SOX30: variants seen among roughly 807,000 people sequenced by gnomAD.
The protein encoded by SOX30 is SRY-box transcription factor 30, also known as transcription factor SOX-30.
In SOX30, 17 loss-of-function variants were observed where a neutral mutation model predicts 58.6. That is an observed-to-expected ratio of 0.29 (90% CI 0.20 to 0.44). SOX30 has a LOEUF of 0.44. SOX30 is among the 20% of genes least tolerant of loss of function. The probability of loss-of-function intolerance (pLI) is 1.00; values close to 1 mark genes in which losing one functional copy is unlikely to be tolerated. For synonymous variants in SOX30, 421 were observed against 400.2 expected, an observed-to-expected ratio of 1.05 and a Z score of -0.62; for missense variants, 951 against 965.8, an observed-to-expected ratio of 0.98 and a Z score of 0.20.
Position 157,651,040 on chromosome 5 carries a change from G to C in SOX30, c.967+72C>G, listed in dbSNP as rs1385649107. On this transcript the variant is annotated intron_variant, in intron 1 of 4. Coordinates refer to ENST00000265007, the MANE Select transcript of SOX30 (RefSeq NM_178424.2). ...CTTTACTTTTGTAGTTTAGACTTGG[G>C]AACTGCTGACAAAACAGCTATGGGC... is the stretch of plus-strand genomic sequence containing the variant. 5 of 1,162,530 alleles carry C rather than the reference G, an allele frequency of 4.3e-6. No individual in the cohort carries two copies. In the African/African-American group the frequency reaches 6.2e-5, roughly 14 times the overall value. 72.0% of individuals were successfully genotyped at this position (1,162,530 alleles called of 1,614,324 possible).
chr5:157,653,848 G>T (rs78377869), upstream of SOX30, among the ~76,000 whole-genome samples: 365 of 152,270 alleles, frequency 2.4e-3, 4 homozygotes, highest in African/African-American at 8.4e-3. Flanking sequence ...TTTATCTCAA[G>T]AACTCATTAT....
At chr5:157,631,764 CAAA>C (rs70984477) in intron 4 of SOX30, among the ~76,000 whole-genome samples, 4 of 84,652 alleles carry the variant, frequency 4.7e-5, no homozygotes, top group Admixed American at 1.4e-4. Flanking sequence ...GAACTCGTCT[CAAA>C]AAAAAAAAAA....
At chr5:157,646,840 A>C in intron 2 of SOX30, 24 bp from the exon 3 acceptor site, 1 of 1,570,548 alleles carries the variant, frequency 6.4e-7, no homozygotes, top group Non-Finnish European at 8.7e-7. Context: ...AATATGTTTA[A>C]ATGTGTAGAC....
At chr5:157,627,009 A>G (rs1403236466) in intron 4 of SOX30, among the ~76,000 whole-genome samples, 4 of 152,174 alleles carry the variant, frequency 2.6e-5, no homozygotes, top group African/African-American at 9.7e-5. Context: ...TCTTTCTCTC[A>G]TGATGCCTCA....
At position 157,638,245 on chromosome 5, in the gene SOX30, T is replaced by C. The variant is rs752786641; in HGVS notation, c.1865A>G (p.His622Arg). The C allele has an allele frequency of 2.2e-5, 33 of 1,521,556 alleles. No individual in the cohort carries two copies. The highest frequency in any genetic ancestry group is 2.8e-5 in the Non-Finnish European group (32 of 1,134,948). 94.3% of individuals were successfully genotyped at this position (1,521,556 alleles called of 1,614,324 possible). A position where few individuals can be genotyped will look rare whatever the true frequency, so the allele number is the denominator to read the frequency against. ...GTTAATTTACCTTGATGGGAAGTAG[T>C]GAGGTCCGGGTAGGAAGTAAGGGTG... ...FHHPYFLPGP[H>R]YFPSSTCPYS... is the part of the protein sequence containing the mutation. Residue 622 changes from histidine (H) to arginine (R), a missense_variant, in exon 4 of 5, where the codon CAC (histidine) becomes CGC (arginine). Physicochemically the swap from His to Arg is conservative, Grantham distance 29. Coordinates refer to ENST00000265007, the MANE Select transcript of SOX30 (RefSeq NM_178424.2).
chr5:157,652,418 C>T lies in SOX30; in HGVS notation c.-340G>A. The T allele has an allele frequency of 1.9e-6, 2 of 1,047,836 alleles. No homozygotes were observed. The highest frequency in any genetic ancestry group is 1.7e-5 in the African/African-American group (1 of 59,794). 64.9% of individuals were successfully genotyped at this position (1,047,836 alleles called of 1,614,324 possible). ...AGCCGTTGTCTTTAGTCATCCCTCC[C>T]CCACCCGGAGCTGCGACAATGGCGT... On this transcript the variant is annotated 5_prime_UTR_variant, in exon 1 of 5. Transcript: ENST00000265007.
At position 157,651,343 on chromosome 5, in the gene SOX30, G is replaced by C; in HGVS notation, c.736C>G (p.Pro246Ala). 6.2e-7 allele frequency: 1 copy of C among 1,613,938 alleles called. No individual in the cohort carries two copies. The highest frequency in any genetic ancestry group is 1.3e-5 in the African/African-American group (1 of 75,064). The change falls in exon 1 of 5, where the codon CCA (proline) becomes GCA (alanine). Residue 246 changes from proline (P) to alanine (A), a missense_variant. By Grantham distance (27) the Pro-to-Ala change is conservative. Around this residue, in one of 7 missense-constraint regions of SOX30, gnomAD observed 84 missense variants for 68.2 expected, o/e 1.23. Coordinates refer to ENST00000265007, the MANE Select transcript of SOX30 (RefSeq NM_178424.2). ...VHGSAEVILA[P>A]TSGAFGPHQQ... ...TGCGGCCCAAAGGCACCGGACGTTGGGGCCAAGATGACCTCCGCGCTGCCA... is the reference window on the plus strand; with the variant it reads ...TGCGGCCCAAAGGCACCGGACGTTGCGGCCAAGATGACCTCCGCGCTGCCA...
chr5:157,642,653 TA>T (rs1435179665), intron 3 of SOX30, among the ~76,000 whole-genome samples: 1 of 151,420 alleles, frequency 6.6e-6, no homozygotes, highest in African/African-American at 2.4e-5. Flanking sequence ...AATAAATAAA[TA>T]AAAAATAACA....
Position 157,652,158 on chromosome 5 carries a change from G to A in SOX30, c.-80C>T, listed in dbSNP as rs2113851449. ...TTCCCCCTCCCCCTTTCGGTTAAGA[G>A]CCTTGCAAGGCCTTTGCTACCCAGA... On this transcript the variant is annotated 5_prime_UTR_variant, in exon 1 of 5. Coordinates refer to ENST00000265007, the MANE Select transcript of SOX30 (RefSeq NM_178424.2). The A allele has an allele frequency of 2.2e-6, 3 of 1,375,882 alleles. No individual in the cohort carries two copies. The highest frequency in any genetic ancestry group is 1.5e-5 in the African/African-American group (1 of 65,370). 85.2% of individuals were successfully genotyped at this position (1,375,882 alleles called of 1,614,324 possible). A position where few individuals can be genotyped will look rare whatever the true frequency, so the allele number is the denominator to read the frequency against.
chr5:157,631,004 T>C (rs1022403482), intron 4 of SOX30, among the ~76,000 whole-genome samples: 4 of 134,038 alleles, frequency 3.0e-5, no homozygotes, highest in African/African-American at 5.6e-5. Context: ...ATATTTTTTA[T>C]ATATATACTA....
chr5:157,667,165 G>A (rs1759690010), intron 2 of SOX30, among the ~76,000 whole-genome samples: 1 of 152,140 alleles, frequency 6.6e-6, no homozygotes, highest in Non-Finnish European at 1.5e-5. Context: ...CCAAGAAGTG[G>A]AGGGATGGGA....
Position 157,651,788 on chromosome 5 carries a change from C to T in SOX30, c.291G>A (p.Gln97=). ...CGGGCCTGAACTGCAACAGCCGCGC[C>T]TGCGCGGACGAGGCAGCGGCTTCCT... ...QNEEAAASSA[Q]ARLLQFRPDL... is the part of the protein sequence containing the mutation. The change falls in exon 1 of 5, where the codon CAG becomes CAA. Residue 97 remains glutamine (Q), a synonymous_variant. Coordinates refer to ENST00000265007, the MANE Select transcript of SOX30 (RefSeq NM_178424.2). 6.4e-7 allele frequency: 1 copy of T among 1,572,122 alleles called. No individual in the cohort carries two copies. Among genetic ancestry groups the T allele is most frequent in the East Asian group, 2.3e-5 (1 of 42,996 alleles).
In SOX30 at chr5:157,651,918, G is replaced by C; in HGVS notation, c.161C>G (p.Ser54Trp). ...SAAASATLAS[S>W]CGEAVASGLQ... Reference sequence around the variant, plus strand: ...GCCGGACGCCACTGCCTCCCCGCACGACGAGGCCAAGGTCGCACTGGCTGC... The same window carrying C: ...GCCGGACGCCACTGCCTCCCCGCACCACGAGGCCAAGGTCGCACTGGCTGC... Residue 54 changes from serine to tryptophan, a missense_variant, in exon 1 of 5, where the codon TCG becomes TGG. Ser to Trp is a radical substitution (Grantham distance 177). This residue lies in a region of SOX30 where 363 missense variants were observed against 294.5 expected (regional missense o/e 1.23). Coordinates refer to ENST00000265007, the MANE Select transcript of SOX30 (RefSeq NM_178424.2). 6.6e-7 allele frequency: 1 copy of C among 1,515,238 alleles called. No homozygotes were observed. The highest frequency in any genetic ancestry group is 8.8e-7 in the Non-Finnish European group (1 of 1,136,324). 93.9% of individuals were successfully genotyped at this position (1,515,238 alleles called of 1,614,324 possible).
upstream of SOX30, among the ~76,000 whole-genome samples, chr5:157,655,259 T>TA (rs1759450082): frequency 6.6e-6 from 1 of 152,116 alleles, no homozygotes; most frequent in East Asian, 1.9e-4. Flanking sequence ...TGGTGAACCC[T>TA]AAAGGGACGA....
chr5:157,652,080 G>T lies in SOX30; in HGVS notation c.-2C>A. On this transcript the variant is annotated 5_prime_UTR_variant, in exon 1 of 5. Coordinates refer to ENST00000265007, the MANE Select transcript of SOX30 (RefSeq NM_178424.2). ...CGGCTCGGGTCTGGCTCTCTCCATG[G>T]GGGAGGGGGACGCCCCGGCCAGGAT... 2 of 1,401,746 alleles carry T rather than the reference G, an allele frequency of 1.4e-6. No individual in the cohort carries two copies. Among genetic ancestry groups the T allele is most frequent in the Non-Finnish European group, 1.8e-6 (2 of 1,085,038 alleles). 86.8% of individuals were successfully genotyped at this position (1,401,746 alleles called of 1,614,324 possible).
intron 4 of SOX30, among the ~76,000 whole-genome samples, chr5:157,637,133 CAAAAAA>C (rs1203322529): frequency 1.6e-5 from 1 of 62,840 alleles, no homozygotes. Flanking sequence ...AACTCCGCCT[CAAAAAA>C]AAAAAAAAAA....
At position 157,631,764 on chromosome 5, in the gene SOX30, C is replaced by CA. The variant is rs70984477; in HGVS notation, c.1881-5044dup. On this transcript the variant is annotated intron_variant, in intron 4 of 4. Transcript: ENST00000265007. Reference sequence around the variant, plus strand: ...TGGGTAACAGAGTGGGAACTCGTCTCAAAAAAAAAAAAAAAAAAATTAGAG... The same window carrying CA: ...TGGGTAACAGAGTGGGAACTCGTCTCAAAAAAAAAAAAAAAAAAAATTAGAG... Among the ~76,000 whole-genome samples, 621 of 84,566 alleles carry CA rather than the reference C, an allele frequency of 7.3e-3. 10 individuals carry two copies. The East Asian group carries it at 0.089, about 12-fold the overall frequency. 55.5% of individuals were successfully genotyped at this position (84,566 alleles called of 152,430 possible).
chr5:157,636,114 A>G (rs1281150796), intron 4 of SOX30, among the ~76,000 whole-genome samples: 1 of 152,234 alleles, frequency 6.6e-6, no homozygotes, highest in Non-Finnish European at 1.5e-5. Context: ...AAAACACTAA[A>G]AAGAAGAAAA....
In SOX30 at chr5:157,669,205, A is replaced by AT. The variant is rs1759726896; in HGVS notation, c.-3-1354dup. On this transcript the variant is annotated intron_variant, in intron 1 of 5. Coordinates refer to the SOX30 transcript ENST00000519442. ...TTGGGGAGGGAAGCAAAGTCATTTA[A>AT]TTTTTTGAGACAGAGTCTTACTCTG... Among the ~76,000 whole-genome samples the AT allele has an allele frequency of 5.9e-5, 9 of 152,192 alleles. No individual in the cohort carries two copies. In the South Asian group the frequency reaches 1.9e-3, roughly 32 times the overall value.
Sources: allele counts gnomAD v4.1 joint callset (sites outside exome capture counted in the v4.1 genomes callset), GRCh38; gene constraint gnomAD v4.1.1; regional missense constraint gnomAD v4.1.1; transcripts MANE v1.5; gene names NCBI Gene and HGNC (gene_info 2026-07-23, HGNC 2026-07-21).